LRRTM4: variants seen among roughly 807,000 people sequenced by gnomAD.
The protein encoded by LRRTM4 is leucine-rich repeat transmembrane neuronal protein 4.
A neutral mutation model predicts 47.6 loss-of-function variants in LRRTM4; 25 were observed. The ratio of observed to expected loss-of-function variants is 0.53; its 90% CI spans 0.38 to 0.73. The LOEUF (loss-of-function observed/expected upper bound fraction) is 0.73, where lower values mean the gene tolerates loss of function less well. LRRTM4 is among the 30% of genes least tolerant of loss of function. The pLI, the probability that LRRTM4 is intolerant of heterozygous loss-of-function variation, is 0.00. For missense variants in LRRTM4, 638 were observed against 713.4 expected, an observed-to-expected ratio of 0.89 and a Z score of 1.20; for synonymous variants, 311 against 269.5, an observed-to-expected ratio of 1.15 and a Z score of -1.51.
At chr2:77,034,592 A>G (rs889259294) in intron 3 of LRRTM4, among the ~76,000 whole-genome samples, 3 of 151,884 alleles carry the variant, frequency 2.0e-5, no homozygotes, top group Non-Finnish European at 4.4e-5. Flanking sequence ...TGTTGATTTC[A>G]TAATCATGGT....
At chr2:77,472,467 T>G (rs553892073) in intron 3 of LRRTM4, among the ~76,000 whole-genome samples, 1 of 152,054 alleles carries the variant, frequency 6.6e-6, no homozygotes, top group Non-Finnish European at 1.5e-5. Flanking sequence ...TCAGTGTTCA[T>G]GGACACTTAT....
chr2:77,238,207 C>T (rs1421532747), intron 3 of LRRTM4, among the ~76,000 whole-genome samples: 2 of 152,080 alleles, frequency 1.3e-5, no homozygotes, highest in African/African-American at 4.8e-5. Context: ...TTCACTGTAA[C>T]AATTATTTTA....
chr2:76,949,577 T>A (rs757015578), intron 3 of LRRTM4, among the ~76,000 whole-genome samples: 1 of 151,910 alleles, frequency 6.6e-6, no homozygotes, highest in Admixed American at 6.6e-5. Flanking sequence ...ATGAAAAACG[T>A]GCCAAAAATA....
At chr2:77,195,300 CATT>C (rs1673779034) in intron 3 of LRRTM4, among the ~76,000 whole-genome samples, 1 of 151,758 alleles carries the variant, frequency 6.6e-6, no homozygotes. Context: ...AAATTATTAA[CATT>C]ATAAATATTT....
intron 3 of LRRTM4, among the ~76,000 whole-genome samples, chr2:76,882,539 A>T (rs1222370143): frequency 6.9e-6 from 1 of 144,184 alleles, no homozygotes; most frequent in Non-Finnish European, 1.5e-5. Context: ...AAAAAGTTAA[A>T]AAATAAAAAA....
chr2:77,218,414 C>A (rs1261834737), intron 3 of LRRTM4, among the ~76,000 whole-genome samples: 1 of 152,070 alleles, frequency 6.6e-6, no homozygotes, highest in Non-Finnish European at 1.5e-5. Context: ...AAGGAAGAAA[C>A]AACAAGAGTA....
At position 77,006,902 on chromosome 2, in the gene LRRTM4, T is replaced by C. The variant is rs1008562848; in HGVS notation, c.1552-257986A>G. 1.1e-4 allele frequency among the ~76,000 whole-genome samples: 17 copies of C among 152,114 alleles called. 1 individual carries two copies. The highest frequency in any genetic ancestry group is 3.3e-4 in the Admixed American group (5 of 15,248). On this transcript the variant is annotated intron_variant, in intron 3 of 3. Transcript: ENST00000409884. ...CGTTAAGTCCAGAGGACAGCAGTTG[T>C]ACCAAATGTGTCTCTAGCCAATCAC...
chr2:76,821,863 G>A (rs1456770407), intron 3 of LRRTM4, among the ~76,000 whole-genome samples: 8 of 151,570 alleles, frequency 5.3e-5, no homozygotes, highest in African/African-American at 1.7e-4. Flanking sequence ...ACTCACCAGT[G>A]AGACACCTCT....
intron 3 of LRRTM4, among the ~76,000 whole-genome samples, chr2:76,998,679 A>T (rs66769122): frequency 6.6e-6 from 1 of 151,898 alleles, no homozygotes; most frequent in Admixed American, 6.6e-5. Context: ...GAGAAAAAAA[A>T]CCCAAAAAAA....
chr2:76,966,612 G>C (rs1056606223), intron 3 of LRRTM4, among the ~76,000 whole-genome samples: 1 of 151,396 alleles, frequency 6.6e-6, no homozygotes, highest in Non-Finnish European at 1.5e-5. Flanking sequence ...TCCTTTGTAA[G>C]TAATTTCTTG....
chr2:77,508,967 C>T (rs986959405), intron 3 of LRRTM4, among the ~76,000 whole-genome samples: 1 of 152,098 alleles, frequency 6.6e-6, no homozygotes, highest in African/African-American at 2.4e-5. Context: ...CACAGCAGCT[C>T]ATGCCTGTAA....
At chr2:77,243,437 A>ATACTATCTGATTCTACTT (rs1558649924) in intron 3 of LRRTM4, among the ~76,000 whole-genome samples, 10 of 149,690 alleles carry the variant, frequency 6.7e-5, no homozygotes, top group Non-Finnish European at 1.5e-4. Context: ...AAAAAAATAA[A>ATACTATCTGATTCTACTT]AAAAAAAGAT....
intron 3 of LRRTM4, among the ~76,000 whole-genome samples, chr2:76,994,828 C>T (rs995553558): frequency 6.6e-6 from 1 of 151,910 alleles, no homozygotes; most frequent in Non-Finnish European, 1.5e-5. Context: ...GAAATTGATT[C>T]ACCCTACTAT....
chr2:77,253,025 C>T (rs572826717), intron 3 of LRRTM4, among the ~76,000 whole-genome samples: 49 of 152,140 alleles, frequency 3.2e-4, no homozygotes, highest in African/African-American at 1.2e-3. Context: ...CCCTGCCTCC[C>T]AAATCTCATA....
intron 3 of LRRTM4, among the ~76,000 whole-genome samples, chr2:77,438,189 A>T (rs1218803540): frequency 6.6e-6 from 1 of 152,134 alleles, no homozygotes; most frequent in Non-Finnish European, 1.5e-5. Flanking sequence ...TAAAGCAGTA[A>T]ATCAGGTTAT....
chr2:77,194,044 T>C (rs1232125684), intron 3 of LRRTM4, among the ~76,000 whole-genome samples: 2 of 152,198 alleles, frequency 1.3e-5, no homozygotes, highest in Non-Finnish European at 2.9e-5. Flanking sequence ...TATTCAGTTA[T>C]AGTCATCTTT....
In LRRTM4 at chr2:77,000,234, G is replaced by GC. The variant is rs1362804264; in HGVS notation, c.1552-251319dup. 5.3e-5 allele frequency among the ~76,000 whole-genome samples: 8 copies of GC among 151,886 alleles called. No individual in the cohort carries two copies. In the East Asian group the frequency reaches 9.7e-4, roughly 18 times the overall value. On this transcript the variant is annotated intron_variant, in intron 3 of 3. Transcript: ENST00000409884. ...ACAGCTGGACACAGGAGAATGTTTT[G>GC]CCCTCATTAGTGAGCAATTTCTTCT...
intron 3 of LRRTM4, among the ~76,000 whole-genome samples, chr2:76,829,587 GATTT>G (rs1403164773): frequency 6.6e-6 from 1 of 151,922 alleles, no homozygotes; most frequent in Non-Finnish European, 1.5e-5. Flanking sequence ...ATGTAAAATG[GATTT>G]ATTTTTACTG....
At chr2:77,337,442 T>C (rs536768218) in intron 3 of LRRTM4, among the ~76,000 whole-genome samples, 1 of 152,234 alleles carries the variant, frequency 6.6e-6, no homozygotes, top group African/African-American at 2.4e-5. Flanking sequence ...TAAAATCTCA[T>C]CTAGAATTGT....
Sources: gnomAD v4.1 joint callset for allele counts (sites outside exome capture counted in the v4.1 genomes callset) on GRCh38, gnomAD v4.1.1 for gene constraint, MANE v1.5 for transcripts, NCBI Gene and HGNC (gene_info 2026-07-23, HGNC 2026-07-21) for gene names.